SYN2: variants seen among roughly 807,000 people sequenced by gnomAD.
The protein encoded by SYN2 is synapsin II.
Under a neutral mutation model 50.9 loss-of-function variants are expected in SYN2, and 19 were observed. The ratio of observed to expected loss-of-function variants is 0.37; its 90% confidence interval spans 0.26 to 0.55. SYN2 has a LOEUF of 0.55. Ranked by LOEUF, SYN2 falls within the 20% of genes least tolerant of loss-of-function variation. The pLI, the probability that SYN2 is intolerant of heterozygous loss-of-function variation, is 0.81. For missense variants in SYN2, 587 were observed against 576.4 expected, an observed-to-expected ratio of 1.02 and a Z score of -0.19; for synonymous variants, 255 against 224.9, an observed-to-expected ratio of 1.13 and a Z score of -1.20.
intron 4 of SYN2, among the ~76,000 whole-genome samples, chr3:12,147,130 A>C (rs308955): frequency 0.93 from 142,116 of 152,252 alleles, 66,416 homozygotes; most frequent in East Asian, 1. Context: ...AGGTTCCTGG[A>C]ACTTGTGTCT....
chr3:12,149,653 A>G (rs986081143), intron 4 of SYN2, among the ~76,000 whole-genome samples: 1 of 152,150 alleles, frequency 6.6e-6, no homozygotes, highest in Non-Finnish European at 1.5e-5. Flanking sequence ...CCTTTTGACA[A>G]TGGTATCTTA....
chr3:12,159,092 C>T (rs1308599081), intron 5 of SYN2: 4 of 490,992 alleles, frequency 8.1e-6, no homozygotes. Context: ...CCTCTGTTTC[C>T]CTGCCTAAGT....
At chr3:12,137,055 G>A (rs1241255304) in intron 1 of SYN2, among the ~76,000 whole-genome samples, 4 of 152,056 alleles carry the variant, frequency 2.6e-5, no homozygotes. Context: ...AGAACAGCCT[G>A]GACAACATAG....
At chr3:12,101,163 C>T (rs933708837) in intron 1 of SYN2, among the ~76,000 whole-genome samples, 4 of 152,124 alleles carry the variant, frequency 2.6e-5, no homozygotes, top group Admixed American at 6.5e-5. Context: ...TATATATCCA[C>T]GCAAAAACTT....
chr3:12,119,424 G>C (rs551265391), intron 1 of SYN2, among the ~76,000 whole-genome samples: 14 of 152,242 alleles, frequency 9.2e-5, no homozygotes, highest in African/African-American at 3.4e-4. Context: ...TGCAATCGTA[G>C]CAACCTAACA....
intron 11 of SYN2, chr3:12,185,020 C>T (rs1313014104): frequency 2.0e-6 from 2 of 985,666 alleles, no homozygotes; most frequent in East Asian, 1.1e-4. Context: ...GGGGCTTGTG[C>T]CTTGGTTTCT....
chr3:12,131,119 G>A (rs145040308), intron 1 of SYN2, among the ~76,000 whole-genome samples: 27 of 152,338 alleles, frequency 1.8e-4, no homozygotes, highest in Admixed American at 1.6e-3. Flanking sequence ...CTGGGATGCA[G>A]CCCCACATTC....
intron 1 of SYN2, among the ~76,000 whole-genome samples, chr3:12,077,969 C>T (rs1186783874): frequency 1.3e-5 from 2 of 152,122 alleles, no homozygotes; most frequent in Non-Finnish European, 2.9e-5. Flanking sequence ...TCTCTGCAAC[C>T]TTGCCAGCAT....
Position 12,132,181 on chromosome 3 carries a change from T to A in SYN2, c.378-8470T>A, listed in dbSNP as rs78839396. ...GCCATAGCACTCAGCTGTCCTCTGA[T>A]ATTAACCTTCAGATATCTAGCTGTG... On this transcript the variant is annotated intron_variant, in intron 1 of 12. Coordinates refer to ENST00000621198, the MANE Select transcript of SYN2 (RefSeq NM_133625.6). Among the ~76,000 whole-genome samples, 350 of 152,114 alleles carry A rather than the reference T, an allele frequency of 2.3e-3. 1 individual carries two copies. Among genetic ancestry groups the A allele is most frequent in the African/African-American group, 7.7e-3 (321 of 41,506 alleles).
In SYN2 at chr3:12,058,650, C is replaced by G. The variant is rs188701659; in HGVS notation, c.377+53722C>G. Among the ~76,000 whole-genome samples, 5 of 152,234 alleles carry G rather than the reference C, an allele frequency of 3.3e-5. No individual in the cohort carries two copies. In the East Asian group the frequency reaches 9.6e-4, roughly 29 times the overall value. Reference sequence around the variant, plus strand: ...GGGGAAGGGGAATATGAAAGCAGTGCTGGAACAGGGGGAGAGGGATGGGCA... The same window carrying G: ...GGGGAAGGGGAATATGAAAGCAGTGGTGGAACAGGGGGAGAGGGATGGGCA... On this transcript the variant is annotated intron_variant, in intron 1 of 12. Coordinates refer to ENST00000621198, the MANE Select transcript of SYN2 (RefSeq NM_133625.6).
At chr3:12,114,642 G>A (rs1166090880) in intron 1 of SYN2, among the ~76,000 whole-genome samples, 3 of 151,758 alleles carry the variant, frequency 2.0e-5, no homozygotes, top group Non-Finnish European at 4.4e-5. Flanking sequence ...CTAGGTGGGG[G>A]GTTCTCTGTA....
chr3:12,121,215 C>T (rs1696550869), intron 1 of SYN2, among the ~76,000 whole-genome samples: 1 of 152,184 alleles, frequency 6.6e-6, no homozygotes, highest in Non-Finnish European at 1.5e-5. Context: ...TTCTTCTCAT[C>T]CTAGAGTGTA....
chr3:12,080,880 T>C (rs986944493), intron 1 of SYN2, among the ~76,000 whole-genome samples: 1 of 152,226 alleles, frequency 6.6e-6, no homozygotes, highest in Non-Finnish European at 1.5e-5. Flanking sequence ...GTCTCAATTA[T>C]CTAATATTGA....
intron 5 of SYN2, chr3:12,154,543 T>TC (rs1483726343): frequency 1.4e-6 from 2 of 1,478,300 alleles, no homozygotes; most frequent in African/African-American, 2.8e-5. Flanking sequence ...AATTGCAGCC[T>TC]CCCCAATGAC....
intron 11 of SYN2, chr3:12,183,914 A>G (rs1698282554): frequency 1.0e-6 from 1 of 1,001,736 alleles, no homozygotes; most frequent in South Asian, 4.3e-5. Context: ...GGGATCTTCA[A>G]TGAACTGTGC....
intron 11 of SYN2, chr3:12,183,887 C>G: frequency 2.0e-6 from 2 of 1,018,634 alleles, no homozygotes; most frequent in Non-Finnish European, 2.3e-6. Context: ...TCCAACTTTC[C>G]CTCCACCAGT....
intron 12 of SYN2, among the ~76,000 whole-genome samples, chr3:12,188,747 G>C (rs1302597555): frequency 6.6e-6 from 1 of 152,118 alleles, no homozygotes; most frequent in Non-Finnish European, 1.5e-5. Flanking sequence ...ACCCACTCTT[G>C]CTCCCCAGCT....
At chr3:12,050,555 A>G (rs1694833625) in intron 1 of SYN2, among the ~76,000 whole-genome samples, 1 of 150,982 alleles carries the variant, frequency 6.6e-6, no homozygotes, top group Admixed American at 6.6e-5. Context: ...CATATTGGCT[A>G]GGCTGGTCTT....
intron 10 of SYN2, among the ~76,000 whole-genome samples, chr3:12,170,566 A>G (rs1163788174): frequency 3.3e-5 from 5 of 152,230 alleles, no homozygotes; most frequent in Non-Finnish European, 5.9e-5. Context: ...TGGCAGGGAA[A>G]GGTCTTTATT....
Sources: allele counts gnomAD v4.1 joint callset (sites outside exome capture counted in the v4.1 genomes callset), GRCh38; gene constraint gnomAD v4.1.1; transcripts MANE v1.5; gene names NCBI Gene and HGNC (gene_info 2026-07-23, HGNC 2026-07-21).